BPTF: variants seen among roughly 807,000 people sequenced by gnomAD.
The protein encoded by BPTF is bromodomain PHD finger transcription factor.
A neutral mutation model predicts 292.5 loss-of-function variants in BPTF; 18 were observed. The observed-to-expected ratio is 0.06, with a 90% CI of 0.04 to 0.09. The LOEUF (loss-of-function observed/expected upper bound fraction) is 0.09, where lower values mean the gene tolerates loss of function less well. Among genes scored for constraint, BPTF ranks in the 10% least tolerant of loss-of-function variants. BPTF has a pLI of 1.00. For synonymous variants in BPTF, 1,225 were observed against 1,251.9 expected (o/e 0.98, Z 0.45); for missense variants, 2,726 against 3,498.7 (o/e 0.78, Z 5.57).
At chr17:67,873,514 T>TA (rs1203773338) in intron 3 of BPTF, among the ~76,000 whole-genome samples, 2 of 151,540 alleles carry the variant, frequency 1.3e-5, no homozygotes, top group African/African-American at 4.8e-5. Flanking sequence ...ACAAATAGCG[T>TA]ACTCTAGTTG....
chr17:67,920,122 G>A lies in BPTF; in HGVS notation c.5536G>A (p.Gly1846Arg), dbSNP rs1302288844. ...TATCAGGAAAATCATTTGTCCCATT[G>A]GAGTTCCAGAAACACCAAAAGGTAA... ...YCIRKIICPI[G>R]VPETPKETPT... is the part of the protein sequence containing the mutation. Residue 1846 changes from glycine to arginine, a missense_variant, in exon 13 of 28, where the codon GGA (glycine) becomes AGA (arginine). Gly to Arg is a moderately radical substitution (Grantham distance 125). Coordinates refer to ENST00000306378, the MANE Select transcript of BPTF (RefSeq NM_182641.4). The A allele has an allele frequency of 1.2e-6, 2 of 1,612,210 alleles. No individual in the cohort carries two copies. Among genetic ancestry groups the A allele is most frequent in the Non-Finnish European group, 8.5e-7 (1 of 1,178,692 alleles).
intron 1 of BPTF, among the ~76,000 whole-genome samples, chr17:67,838,897 C>T (rs1023640040): frequency 6.6e-6 from 1 of 152,158 alleles, no homozygotes; most frequent in Admixed American, 6.6e-5. Flanking sequence ...TCTGCTGGGG[C>T]TTCTAGTTGA....
intron 23 of BPTF, among the ~76,000 whole-genome samples, chr17:67,953,786 G>C (rs535976687): frequency 8.0e-5 from 12 of 150,870 alleles, no homozygotes; most frequent in African/African-American, 2.7e-4. Context: ...CATCATGTTT[G>C]CCAGGCTTGT....
At chr17:67,840,980 A>G (rs2057510314) in intron 1 of BPTF, among the ~76,000 whole-genome samples, 2 of 152,160 alleles carry the variant, frequency 1.3e-5, no homozygotes, top group Non-Finnish European at 2.9e-5. Flanking sequence ...CATTCTCTTA[A>G]CAGTGTCTTT....
rs988971401 is a variant in BPTF at position 67,924,655 on chromosome 17, C to G, written c.5751+66C>G. The G allele has an allele frequency of 1.9e-6, 3 of 1,550,464 alleles. No homozygotes were observed. In the East Asian group the frequency reaches 6.7e-5, roughly 35 times the overall value. On this transcript the variant is annotated intron_variant, in intron 15 of 27. Transcript: ENST00000306378. ...TGGAGGCTCTTTCAAAACAAAAGCA[C>G]TTGACCTCCCATCAGCAGGGGGAGT...
chr17:67,835,359 C>T (rs1212681107), intron 1 of BPTF, among the ~76,000 whole-genome samples: 2 of 152,184 alleles, frequency 1.3e-5, no homozygotes, highest in Non-Finnish European at 2.9e-5. Flanking sequence ...AGAAAGTTCT[C>T]CTGGACTCAT....
Position 67,928,421 on chromosome 17 carries a change from A to G in BPTF, c.5818A>G (p.Thr1940Ala), listed in dbSNP as rs2064097372. Reference sequence around the variant, plus strand: ...CACTACTTCCCCAACAAGCAGTACAACCAGCACCATCTCTCCAGCACAGAA... The same window carrying G: ...CACTACTTCCCCAACAAGCAGTACAGCCAGCACCATCTCTCCAGCACAGAA... ...TSTTSPTSST[T>A]STISPAQKVM... is the part of the protein sequence containing the mutation. The change falls in exon 16 of 28, where the codon ACC (threonine) becomes GCC (alanine). Residue 1940 changes from threonine to alanine, a missense_variant. Physicochemically the swap from Thr to Ala is moderately conservative, Grantham distance 58. Around this residue, in one of 22 missense-constraint regions of BPTF, gnomAD observed 198 missense variants for 277.1 expected, o/e 0.71. Coordinates refer to ENST00000306378, the MANE Select transcript of BPTF (RefSeq NM_182641.4). The G allele has an allele frequency of 8.1e-6, 13 of 1,614,078 alleles. No individual in the cohort carries two copies. The highest frequency in any genetic ancestry group is 1.1e-5 in the Non-Finnish European group (13 of 1,180,024).
In BPTF at chr17:67,918,727, A is replaced by G; in HGVS notation, c.5317A>G (p.Thr1773Ala). Reference protein sequence around the residue: ...FGITWRYRLQTVKSLAGVSLM... With the variant: ...FGITWRYRLQAVKSLAGVSLM... ...TTTTCCTTTCAGGTATAGACTTCAG[A>G]CAGTAAAGTCCTTAGCTGGAGTGAG... Residue 1773 changes from threonine to alanine, a missense_variant, in exon 12 of 28, where the codon ACA (threonine) becomes GCA (alanine). By Grantham distance (58) the Thr-to-Ala change is moderately conservative. Coordinates refer to ENST00000306378, the MANE Select transcript of BPTF (RefSeq NM_182641.4). 6.2e-7 allele frequency: 1 copy of G among 1,613,346 alleles called. No homozygotes were observed. Among genetic ancestry groups the G allele is most frequent in the Non-Finnish European group, 8.5e-7 (1 of 1,179,456 alleles).
rs1460282103 is a variant in BPTF at position 67,854,087 on chromosome 17, G to A, written c.761G>A (p.Arg254Gln). ...GTCATTGCCATTTACGAGGTACTGC[G>A]GAACTTTGGCACTGTTTTGAGATTA... ...MNVIAIYEVL[R>Q]NFGTVLRLSP... Residue 254 changes from arginine (R) to glutamine (Q), a missense_variant, in exon 2 of 28, where the codon CGG becomes CAG. Arg to Gln is a conservative substitution (Grantham distance 43). Around this residue, in one of 22 missense-constraint regions of BPTF, gnomAD observed 102 missense variants for 212.6 expected, o/e 0.48. Coordinates refer to ENST00000306378, the MANE Select transcript of BPTF (RefSeq NM_182641.4). This position sits in a 1 kb window ranked among gnomAD's most constrained non-coding sequence, Gnocchi z 5.6. The A allele has an allele frequency of 5.6e-6, 9 of 1,614,048 alleles. No homozygotes were observed. Among genetic ancestry groups the A allele is most frequent in the East Asian group, 2.2e-5 (1 of 44,892 alleles).
chr17:67,911,841 C>G lies in BPTF; in HGVS notation c.3957C>G (p.Phe1319Leu). 2 of 1,614,054 alleles carry G rather than the reference C, an allele frequency of 1.2e-6. No homozygotes were observed. The change falls in exon 11 of 28, where the codon TTC (phenylalanine) becomes TTG (leucine). Residue 1319 changes from phenylalanine (F) to leucine (L), a missense_variant. Phe to Leu is a conservative substitution (Grantham distance 22). This residue lies in a region of BPTF where 713 missense variants were observed against 714.9 expected (regional missense o/e 1.00). Transcript: ENST00000306378. ...QNSNESISEQFRTREQDVEVL... is the reference protein window; with the variant it reads ...QNSNESISEQLRTREQDVEVL... ...GCAATGAAAGCATTTCTGAACAGTT[C>G]AGAACTCGAGAACAAGATGTTGAAG...
At chr17:67,981,463 A>T in intron 27 of BPTF, 1 of 1,242,904 alleles carries the variant, frequency 8.0e-7, no homozygotes. Context: ...CTGAATTTTT[A>T]ACTGGAATCA....
At chr17:67,963,585 T>C (rs1165857590) in intron 24 of BPTF, 2 of 1,269,654 alleles carry the variant, frequency 1.6e-6, no homozygotes, top group Non-Finnish European at 2.0e-6. Flanking sequence ...TATTTTAAAA[T>C]AAAAAGCAGA....
rs539278520 is a variant in BPTF, at chr17:67,889,611, C to T, written c.1865-2233C>T. On this transcript the variant is annotated intron_variant, in intron 4 of 27. Transcript: ENST00000306378. Reference sequence around the variant, plus strand: ...TCACTGGAGGTCAGGGGTTCAAGACCAGCCTGACCAACATGGTGAAACCCC... The same window carrying T: ...TCACTGGAGGTCAGGGGTTCAAGACTAGCCTGACCAACATGGTGAAACCCC... 2.6e-5 allele frequency among the ~76,000 whole-genome samples: 4 copies of T among 152,176 alleles called. No individual in the cohort carries two copies. The East Asian group carries it at 5.8e-4, about 22-fold the overall frequency.
intron 11 of BPTF, among the ~76,000 whole-genome samples, chr17:67,918,491 C>T (rs1029776233): frequency 5.3e-5 from 8 of 151,822 alleles, no homozygotes; most frequent in African/African-American, 1.9e-4. Flanking sequence ...ATGAATATAG[C>T]CCCTTTTAAA....
At position 67,854,816 on chromosome 17, in the gene BPTF, C is replaced by G. The variant is rs959273326; in HGVS notation, c.1436+54C>G. 7.7e-7 allele frequency: 1 copy of G among 1,302,160 alleles called. No individual in the cohort carries two copies. Among genetic ancestry groups the G allele is most frequent in the Admixed American group, 1.9e-5 (1 of 51,748 alleles). 80.7% of individuals were successfully genotyped at this position (1,302,160 alleles called of 1,614,324 possible). ...ATGCATTTAAAATTAGACTAGTTTCCTTCGTGATTGATGTAGCAGAGCTAT... is the reference window on the plus strand; with the variant it reads ...ATGCATTTAAAATTAGACTAGTTTCGTTCGTGATTGATGTAGCAGAGCTAT... On this transcript the variant is annotated intron_variant, in intron 2 of 27. Coordinates refer to ENST00000306378, the MANE Select transcript of BPTF (RefSeq NM_182641.4). This position sits in a 1 kb window ranked among gnomAD's most constrained non-coding sequence, Gnocchi z 5.6.
intron 5 of BPTF, among the ~76,000 whole-genome samples, chr17:67,892,898 A>G (rs2061215890): frequency 6.6e-6 from 1 of 152,332 alleles, no homozygotes; most frequent in South Asian, 2.1e-4. Context: ...CAACTGTTTG[A>G]AAATACTATT....
intron 3 of BPTF, among the ~76,000 whole-genome samples, chr17:67,873,748 AATAT>A (rs2059893219): frequency 6.6e-6 from 1 of 152,230 alleles, no homozygotes; most frequent in Non-Finnish European, 1.5e-5. Flanking sequence ...ATACAGAAAT[AATAT>A]AGATGTATAT....
At chr17:67,845,169 A>T (rs2365467) in intron 1 of BPTF, among the ~76,000 whole-genome samples, 51,735 of 151,858 alleles carry the variant, frequency 0.34, 11,117 homozygotes, top group East Asian at 0.67. Context: ...TTATTGATAT[A>T]GATCACTTGG....
intron 4 of BPTF, among the ~76,000 whole-genome samples, chr17:67,884,646 C>A (rs1246741389): frequency 6.6e-6 from 1 of 152,074 alleles, no homozygotes. Context: ...GAACCCCTGA[C>A]CTCAAGTGAT....
Sources: allele counts gnomAD v4.1 joint callset (sites outside exome capture counted in the v4.1 genomes callset), GRCh38; gene constraint gnomAD v4.1.1; regional missense constraint gnomAD v4.1.1; non-coding constraint Gnocchi (gnomAD v3.1); transcripts MANE v1.5; gene names NCBI Gene and HGNC (gene_info 2026-07-23, HGNC 2026-07-21).